Variants in WDR18 observed in about 807,000 individuals in gnomAD.
WDR18 encodes WD repeat-containing protein 18.
Under a neutral mutation model 49.6 loss-of-function variants are expected in WDR18, and 33 were observed. That is an observed-to-expected ratio of 0.67 (90% CI 0.50 to 0.89). The LOEUF (loss-of-function observed/expected upper bound fraction) is 0.89, where lower values mean the gene tolerates loss of function less well. Ranked by LOEUF, WDR18 falls within the 40% of genes least tolerant of loss-of-function variation. The pLI, the probability that WDR18 is intolerant of heterozygous loss-of-function variation, is 0.00. For synonymous variants in WDR18, 315 were observed against 263.6 expected, an observed-to-expected ratio of 1.19 and a Z score of -1.89; for missense variants, 653 against 593.6, an observed-to-expected ratio of 1.10 and a Z score of -1.04.
Position 990,233 on chromosome 19 carries a change from GCCGAC to G in WDR18, c.469_473del (p.Asp157LeufsTer57). The G allele has an allele frequency of 6.3e-7, 1 of 1,597,816 alleles. No individual in the cohort carries two copies. The highest frequency in any genetic ancestry group is 8.5e-7 in the Non-Finnish European group (1 of 1,178,994). Reference sequence around the variant, plus strand: ...CCCCACCCCGCTCAGCGTGCTGCAGGCCGACCCCTCCAGGATTCCGGCGCCCAGGC... The same window carrying G: ...CCCCACCCCGCTCAGCGTGCTGCAGGCCCTCCAGGATTCCGGCGCCCAGGC... On this transcript the variant is annotated frameshift_variant, in exon 4 of 10. Transcript: ENST00000585809. LOFTEE classifies it high-confidence loss of function.
intron 3 of WDR18, 40 bp downstream of exon 3, chr19:989,935 C>T (rs755421620): frequency 1.3e-6 from 2 of 1,556,952 alleles, no homozygotes; most frequent in Non-Finnish European, 1.7e-6. Context: ...TGGAACTGCA[C>T]CCGGGCTCAG....
rs1006580076 is a variant in WDR18 at position 994,283 on chromosome 19, G to A, written c.1238G>A (p.Arg413His). 52 of 1,610,542 alleles carry A rather than the reference G, an allele frequency of 3.2e-5. No individual in the cohort carries two copies. The highest frequency in any genetic ancestry group is 1.6e-4 in the Middle Eastern group (1 of 6,078). Reference protein sequence around the residue: ...TELEDEVRNLRKINRDLFDFS... With the variant: ...TELEDEVRNLHKINRDLFDFS... ...CTGGAGGACGAGGTGCGCAACCTGC[G>A]CAAGATCAATCGGGACCTGTTCGAC... Residue 413 changes from arginine (R) to histidine (H), a missense_variant, in exon 10 of 10, where the codon CGC becomes CAC. Transcript: ENST00000585809.
chr19:988,382 G>A (rs2038498645), intron 2 of WDR18, among the ~76,000 whole-genome samples: 1 of 152,212 alleles, frequency 6.6e-6, no homozygotes, highest in Non-Finnish European at 1.5e-5. Context: ...AGGCACTGAT[G>A]TTCTGAAGCT....
chr19:992,031 G>T lies in WDR18; in HGVS notation c.1008G>T (p.Leu336=), dbSNP rs550557720. The T allele has an allele frequency of 6.3e-6, 10 of 1,592,848 alleles. No individual in the cohort carries two copies. Among genetic ancestry groups the T allele is most frequent in the African/African-American group, 4.1e-5 (3 of 73,226 alleles). The change falls in exon 8 of 10, where the codon CTG becomes CTT. Residue 336 remains leucine (L), a synonymous_variant. Transcript: ENST00000585809. The part of the protein sequence containing the change: ...LSSDFRPSLP[L]PHFNKHLLGA... ...CAGACTTCAGGCCCAGCCTGCCGCT[G>T]CCCCACTTCAACAAGCACCTGCTGG...
chr19:988,502 C>T (rs1429460040), intron 2 of WDR18, among the ~76,000 whole-genome samples: 1 of 152,236 alleles, frequency 6.6e-6, no homozygotes, highest in African/African-American at 2.4e-5. Flanking sequence ...TCCCCAGCCA[C>T]CCTGGGTTTT....
At chr19:989,730 C>CCCCTGGGGCTTTCCTA in intron 2 of WDR18, 32 bp from the exon 3 acceptor site, 2 of 1,611,238 alleles carry the variant, frequency 1.2e-6, no homozygotes, top group Non-Finnish European at 1.7e-6. Flanking sequence ...GGGCTTTCCT[C>CCCCTGGGGCTTTCCTA]CCCTGACCTG....
At chr19:990,087 G>A in intron 3 of WDR18, 136 bp from the exon 4 acceptor site, 1 of 1,389,576 alleles carries the variant, frequency 7.2e-7, no homozygotes, top group Non-Finnish European at 9.5e-7. Context: ...TGGGGGCCCA[G>A]CCTTGAGTTT....
intron 3 of WDR18, 67 bp from the exon 4 acceptor site, chr19:990,156 C>T: frequency 6.7e-7 from 1 of 1,500,842 alleles, no homozygotes. Flanking sequence ...GAGGTGGGTG[C>T]TGGAGGCGTG....
At chr19:987,828 A>ATTTTTTTTTTTTTTTTTTTTTTTTTT in intron 2 of WDR18, among the ~76,000 whole-genome samples, 1 of 47,834 alleles carries the variant, frequency 2.1e-5, no homozygotes, top group East Asian at 6.3e-4. Context: ...AGCCGCCTCC[A>ATTTTTTTTTTTTTTTTTTTTTTTTTT]GTTTTTTTTT....
chr19:990,306 G>A lies in WDR18; in HGVS notation c.539G>A (p.Cys180Tyr). 6.3e-7 allele frequency: 1 copy of A among 1,597,440 alleles called. No individual in the cohort carries two copies. The highest frequency in any genetic ancestry group is 8.5e-7 in the Non-Finnish European group (1 of 1,178,238). The change falls in exon 4 of 10, where the codon TGC (cysteine) becomes TAC (tyrosine). Residue 180 changes from cysteine to tyrosine, a missense_variant. By Grantham distance (194) the Cys-to-Tyr change is radical. Transcript: ENST00000585809. ...HHALPITDLH[C>Y]GFGGPLARVA... ...GCGCTCCCCATCACGGACCTGCACT[G>A]CGGCTTTGGGGGCCCCCTGGCCCGG...
In WDR18 at chr19:984,514, C is replaced by A; in HGVS notation, c.161C>A (p.Ala54Glu). The change falls in exon 1 of 10, where the codon GCG (alanine) becomes GAG (glutamate). Residue 54 changes from alanine (A) to glutamate (E), a missense_variant. Physicochemically the swap from Ala to Glu is moderately radical, Grantham distance 107. Coordinates refer to ENST00000585809, the MANE Select transcript of WDR18 (RefSeq NM_024100.4). The stretch of plus-strand genomic sequence containing the variant: ...CTGCTCAATGGCGAGTATCTGCTGG[C>A]GGCGCAGCTGGGCAAGAATTACATC... ...LALLNGEYLL[A>E]AQLGKNYISA... 6.5e-7 allele frequency: 1 copy of A among 1,543,782 alleles called. No homozygotes were observed.
chr19:990,024 CAT>C, intron 3 of WDR18, 129 bp downstream of exon 3: 1 of 1,445,002 alleles, frequency 6.9e-7, no homozygotes, highest in Non-Finnish European at 9.1e-7. Context: ...ACGGAGTGAT[CAT>C]CCCAGGGGTC....
In WDR18 at chr19:984,475, C is replaced by A; in HGVS notation, c.122C>A (p.Pro41His). 2.5e-6 allele frequency: 4 copies of A among 1,580,552 alleles called. No homozygotes were observed. Among genetic ancestry groups the A allele is most frequent in the Non-Finnish European group, 3.4e-6 (4 of 1,165,674 alleles). ...ACCTACCGCGGCGGCCAGGCGGGAC[C>A]CCGCGGCCTGGCGCTGCTCAATGGC... ...LLTYRGGQAG[P>H]RGLALLNGEY... is the part of the protein sequence containing the mutation. The change falls in exon 1 of 10, where the codon CCC becomes CAC. Residue 41 changes from proline (P) to histidine (H), a missense_variant. Pro to His is a moderately conservative substitution (Grantham distance 77). Transcript: ENST00000585809.
intron 2 of WDR18, among the ~76,000 whole-genome samples, 172 bp from the exon 3 acceptor site, chr19:989,590 C>A (rs1302192394): frequency 6.6e-6 from 1 of 152,164 alleles, no homozygotes; most frequent in African/African-American, 2.4e-5. Context: ...CGAGGCCCCG[C>A]TGTACCTGCT....
intron 2 of WDR18, among the ~76,000 whole-genome samples, chr19:987,345 A>G (rs1175917698): frequency 2.6e-5 from 4 of 152,148 alleles, no homozygotes; most frequent in African/African-American, 7.2e-5. Context: ...CTTGTCTCCA[A>G]AGAAAAGGGG....
chr19:992,795 C>A (rs1219396003), intron 8 of WDR18, among the ~76,000 whole-genome samples: 1 of 152,206 alleles, frequency 6.6e-6, no homozygotes, highest in Non-Finnish European at 1.5e-5. Context: ...AGTGTGTTTC[C>A]GCCTCACTCC....
intron 1 of WDR18, among the ~76,000 whole-genome samples, chr19:985,075 G>C (rs774352012): frequency 1.3e-5 from 2 of 152,122 alleles, no homozygotes; most frequent in Non-Finnish European, 2.9e-5. Flanking sequence ...GAAGCTACTC[G>C]CTTCCCCCGT....
chr19:991,084 G>C lies in WDR18; in HGVS notation c.745G>C (p.Gly249Arg). 1 of 1,602,648 alleles carries C rather than the reference G, an allele frequency of 6.2e-7. No homozygotes were observed. The highest frequency in any genetic ancestry group is 8.5e-7 in the Non-Finnish European group (1 of 1,175,128). ...ACACACGTCTCGGCCTTCGCAGCCC[G>C]GACAGAGGGAGAGGAGCTTCCACCC... The part of the protein sequence containing the change: ...IFQVDLFTWP[G>R]QRERSFHPEQ... Residue 249 changes from glycine (G) to arginine (R), a missense_variant, in exon 6 of 10, where the codon GGA (glycine) becomes CGA (arginine). Transcript: ENST00000585809.
intron 2 of WDR18, among the ~76,000 whole-genome samples, chr19:986,227 A>G (rs2038473246): frequency 6.6e-6 from 1 of 152,208 alleles, no homozygotes; most frequent in Admixed American, 6.5e-5. Flanking sequence ...CGGCACTCAC[A>G]CACCGCAGCA....
Sources: allele counts gnomAD v4.1 joint callset (sites outside exome capture counted in the v4.1 genomes callset), GRCh38; gene constraint gnomAD v4.1.1; transcripts MANE v1.5; gene names NCBI Gene and HGNC (gene_info 2026-07-23, HGNC 2026-07-21).